Variants in PBX3 observed in about 807,000 individuals in gnomAD.
PBX3 encodes the protein pre-B-cell leukemia transcription factor 3.
A neutral mutation model predicts 48.5 loss-of-function variants in PBX3; 14 were observed. The ratio of observed to expected loss-of-function variants is 0.29; its 90% CI spans 0.19 to 0.45. PBX3 has a LOEUF of 0.45. Ranked by LOEUF, PBX3 falls within the 20% of genes least tolerant of loss-of-function variation. The pLI is 1.00. For missense variants in PBX3, 386 were observed against 546.7 expected (o/e 0.71, Z 2.93); for synonymous variants, 210 against 200.3 (o/e 1.05, Z -0.41).
At position 125,966,966 on chromosome 9, in the gene PBX3, A is replaced by G. The variant is rs1158029687; in HGVS notation, c.*1043A>G. 1 of 152,590 alleles carries G rather than the reference A, an allele frequency of 6.6e-6. No individual in the cohort carries two copies. Among genetic ancestry groups the G allele is most frequent in the Non-Finnish European group, 1.5e-5 (1 of 68,034 alleles). 9.5% of individuals were successfully genotyped at this position (152,590 alleles called of 1,614,324 possible). On this transcript the variant is annotated 3_prime_UTR_variant, in exon 9 of 9. Transcript: ENST00000373489. ...CTTTTAAAAGAAAAATCAGGGTTGC[A>G]CTTGCAACTTTTAAAAAACCGAGTG...
At chr9:125,939,400 G>T (rs565373531) in intron 5 of PBX3, among the ~76,000 whole-genome samples, 48 of 152,244 alleles carry the variant, frequency 3.2e-4, no homozygotes, top group African/African-American at 1.1e-3. Context: ...ATTAAAAATT[G>T]CAGTATTTTT....
chr9:125,951,591 A>G (rs929573479), intron 5 of PBX3, among the ~76,000 whole-genome samples: 1 of 152,198 alleles, frequency 6.6e-6, no homozygotes, highest in South Asian at 2.1e-4. Context: ...GGAAACTAAC[A>G]TTTACTGAGT....
At chr9:125,934,344 G>C (rs971627408) in intron 4 of PBX3, among the ~76,000 whole-genome samples, 1 of 152,134 alleles carries the variant, frequency 6.6e-6, no homozygotes, top group African/African-American at 2.4e-5. Flanking sequence ...TTTTCTGACT[G>C]TGGGATATCA....
intron 2 of PBX3, among the ~76,000 whole-genome samples, chr9:125,798,263 G>C (rs1588156138): frequency 6.6e-6 from 1 of 152,088 alleles, no homozygotes; most frequent in Non-Finnish European, 1.5e-5. Context: ...GAAATATACT[G>C]ATGGCTATTT....
At chr9:125,909,035 G>T in intron 2 of PBX3, among the ~76,000 whole-genome samples, 1 of 152,008 alleles carries the variant, frequency 6.6e-6, no homozygotes, top group Non-Finnish European at 1.5e-5. Context: ...TTCTTGTGTA[G>T]CTGACAGTGC....
Position 125,764,736 on chromosome 9 carries a change from G to A in PBX3, c.274+16113G>A, listed in dbSNP as rs556947354. 4.6e-5 allele frequency among the ~76,000 whole-genome samples: 7 copies of A among 152,262 alleles called. No individual in the cohort carries two copies. The South Asian group carries it at 1.4e-3, about 32-fold the overall frequency. On this transcript the variant is annotated intron_variant, in intron 2 of 8. Transcript: ENST00000373489. ...GAGTTTTAGATCATTGCTTAGAGTT[G>A]CCTTTGCTGATTGCAAAGGTTTGCT...
chr9:125,945,448 AT>A (rs766137668), intron 5 of PBX3, among the ~76,000 whole-genome samples: 4 of 152,174 alleles, frequency 2.6e-5, no homozygotes, highest in Non-Finnish European at 4.4e-5. Context: ...CTCACTTCAA[AT>A]GTCAGCTCTT....
At chr9:125,889,642 C>T (rs1221552584) in intron 2 of PBX3, among the ~76,000 whole-genome samples, 1 of 151,986 alleles carries the variant, frequency 6.6e-6, no homozygotes, top group Non-Finnish European at 1.5e-5. Flanking sequence ...AAGTGTCGCA[C>T]AAAAGTAAAC....
At chr9:125,815,039 CCTTA>C in intron 2 of PBX3, among the ~76,000 whole-genome samples, 1 of 152,194 alleles carries the variant, frequency 6.6e-6, no homozygotes, top group South Asian at 2.1e-4. Flanking sequence ...ATTTCTTTTT[CCTTA>C]CTTGTATGCT....
At chr9:125,769,404 C>T (rs1836885214) in intron 2 of PBX3, among the ~76,000 whole-genome samples, 1 of 152,198 alleles carries the variant, frequency 6.6e-6, no homozygotes, top group Non-Finnish European at 1.5e-5. Context: ...CATTTCAGAA[C>T]TACAAGTCTG....
chr9:125,933,941 T>G (rs1714356469), intron 4 of PBX3, among the ~76,000 whole-genome samples: 1 of 152,178 alleles, frequency 6.6e-6, no homozygotes, highest in Admixed American at 6.5e-5. Context: ...GGACCTTGTC[T>G]TTCTTTTCAA....
At chr9:125,769,294 C>T (rs575731854) in intron 2 of PBX3, among the ~76,000 whole-genome samples, 2 of 152,262 alleles carry the variant, frequency 1.3e-5, no homozygotes, top group South Asian at 4.1e-4. Context: ...GTATAAATGT[C>T]AACACAGTGA....
intron 2 of PBX3, among the ~76,000 whole-genome samples, chr9:125,862,469 C>T (rs1466664463): frequency 2.0e-5 from 3 of 151,798 alleles, no homozygotes; most frequent in East Asian, 3.9e-4. Flanking sequence ...TCACTACAAT[C>T]TCCACCTCCT....
At chr9:125,875,212 C>T (rs1386428115) in intron 2 of PBX3, among the ~76,000 whole-genome samples, 2 of 152,088 alleles carry the variant, frequency 1.3e-5, no homozygotes, top group East Asian at 1.9e-4. Flanking sequence ...CTTACCAATT[C>T]GCATTATTCT....
chr9:125,881,893 A>G (rs1301270014), intron 2 of PBX3, among the ~76,000 whole-genome samples: 1 of 151,920 alleles, frequency 6.6e-6, no homozygotes, highest in Non-Finnish European at 1.5e-5. Context: ...ATCCATTATC[A>G]TTAAGTATTT....
intron 2 of PBX3, among the ~76,000 whole-genome samples, chr9:125,905,339 C>A (rs1841045436): frequency 6.6e-6 from 1 of 152,038 alleles, no homozygotes; most frequent in African/African-American, 2.4e-5. Context: ...TCTTTTAATC[C>A]CTGGAGGGAA....
chr9:125,827,412 C>T (rs10986962), intron 2 of PBX3, among the ~76,000 whole-genome samples: 8,988 of 152,132 alleles, frequency 0.059, 611 homozygotes, highest in East Asian at 0.17. Flanking sequence ...TCACTAACTT[C>T]CCCACCCCAA....
chr9:125,923,222 C>T (rs1215077976), intron 3 of PBX3, among the ~76,000 whole-genome samples: 1 of 152,208 alleles, frequency 6.6e-6, no homozygotes, highest in Non-Finnish European at 1.5e-5. Context: ...CATAGACAAA[C>T]ACTCATTCTG....
At chr9:125,823,891 C>T (rs142429322) in intron 2 of PBX3, among the ~76,000 whole-genome samples, 1 of 152,166 alleles carries the variant, frequency 6.6e-6, no homozygotes, top group East Asian at 1.9e-4. Context: ...GCTTGGCCAA[C>T]ATGGTGAAAC....
Sources: gnomAD v4.1 joint callset for allele counts (sites outside exome capture counted in the v4.1 genomes callset) on GRCh38, gnomAD v4.1.1 for gene constraint, MANE v1.5 for transcripts, NCBI Gene and HGNC (gene_info 2026-07-23, HGNC 2026-07-21) for gene names.